PRRG3: variants seen among roughly 807,000 people sequenced by gnomAD.
PRRG3 encodes transmembrane gamma-carboxyglutamic acid protein 3.
A neutral mutation model predicts 15.8 loss-of-function variants in PRRG3; 21 were observed. The ratio of observed to expected loss-of-function variants is 1.33; its 90% CI spans 0.94 to 1.92. PRRG3 has a LOEUF of 1.92. Ranked by LOEUF, PRRG3 falls within the 40% of genes most tolerant of loss-of-function variation. The pLI is 0.00. For missense variants in PRRG3, 251 were observed against 200.2 expected, an observed-to-expected ratio of 1.25 and a Z score of -1.53; for synonymous variants, 125 against 84.1, an observed-to-expected ratio of 1.49 and a Z score of -2.66.
Position 151,700,508 on chromosome X carries a change from G to A in PRRG3, c.171G>A (p.Met57Ile). The change falls in exon 4 of 4, where the codon ATG becomes ATA. Residue 57 changes from methionine to isoleucine, a missense_variant and splice_region_variant. Physicochemically the swap from Met to Ile is conservative, Grantham distance 10 (BLOSUM62 1). Coordinates refer to ENST00000674457, the MANE Select transcript of PRRG3 (RefSeq NM_001372163.1). ...KEVFENKEKT[M>I]EFWKGYPNAV... ...AAGTACCACTTTTTCTTTTGCAGAT[G>A]GAGTTCTGGAAAGGGTACCCAAATG... 1.7e-6 allele frequency: 2 copies of A among 1,177,358 alleles called. No homozygotes were observed. Among genetic ancestry groups the A allele is most frequent in the Non-Finnish European group, 2.3e-6 (2 of 875,916 alleles).
At chrX:151,694,921 C>T (rs1334305253), upstream of PRRG3, among the ~76,000 whole-genome samples, 1 of 110,928 alleles carries the variant, frequency 9.0e-6, no homozygotes, top group African/African-American at 3.2e-5. Flanking sequence ...CCAGGCCCGC[C>T]AGTCAGGCCC....
chrX:151,696,590 T>A (rs996572927), intron 1 of PRRG3, among the ~76,000 whole-genome samples: 3 of 111,516 alleles, frequency 2.7e-5, no homozygotes, highest in Non-Finnish European at 5.7e-5. Flanking sequence ...TCCATTTTTT[T>A]AAAAAACCAC....
At position 151,701,234 on chromosome X, in the gene PRRG3, C is replaced by T. The variant is rs1251470470; in HGVS notation, c.*201C>T. The T allele has an allele frequency of 3.0e-5, 10 of 334,766 alleles. No homozygotes were observed. The East Asian group carries it at 3.7e-4, about 12-fold the overall frequency. The allele number at this position is 334,766 out of a possible 1,213,427, so 27.6% of individuals were successfully genotyped here. On this transcript the variant is annotated 3_prime_UTR_variant, in exon 4 of 4. Coordinates refer to ENST00000674457, the MANE Select transcript of PRRG3 (RefSeq NM_001372163.1). Reference sequence around the variant, plus strand: ...GGTAGGGACCACGCATGAGTCGAAGCCCCCGGGAAGAGCCAAAGGCCAAAG... The same window carrying T: ...GGTAGGGACCACGCATGAGTCGAAGTCCCCGGGAAGAGCCAAAGGCCAAAG...
intron 3 of PRRG3, 121 bp downstream of exon 3, chrX:151,700,277 C>G (rs191989466): frequency 9.3e-6 from 11 of 1,180,471 alleles, no homozygotes; most frequent in Non-Finnish European, 1.1e-5. Context: ...GGCATAGCCA[C>G]TAGGGCCATC....
rs1375475775 is a variant in PRRG3, at chrX:151,701,606, C to T, written c.*573C>T. On this transcript the variant is annotated 3_prime_UTR_variant, in exon 4 of 4. Coordinates refer to ENST00000674457, the MANE Select transcript of PRRG3 (RefSeq NM_001372163.1). ...CACAATAGAACAAAACTCTAGCACC[C>T]GGGCCGTTCATAGGAGGCCAAGGGA... 3.6e-5 allele frequency: 4 copies of T among 112,577 alleles called. No homozygotes were observed. The highest frequency in any genetic ancestry group is 7.5e-5 in the Non-Finnish European group (4 of 53,281). 9.3% of individuals were successfully genotyped at this position (112,577 alleles called of 1,213,427 possible).
chrX:151,695,738 G>A (rs922825617), intron 1 of PRRG3, among the ~76,000 whole-genome samples, 194 bp downstream of exon 1: 6 of 111,692 alleles, frequency 5.4e-5, no homozygotes, highest in Non-Finnish European at 9.4e-5. Flanking sequence ...GAAGGTGGGC[G>A]AGGACAGGCA....
At position 151,699,983 on chromosome X, in the gene PRRG3, G is replaced by A. The variant is rs761295621; in HGVS notation, c.8-13G>A. On this transcript the variant is annotated splice_polypyrimidine_tract_variant and intron_variant, in intron 2 of 3. Transcript: ENST00000674457. ...TCTCCCCATTCCAGGCCTCAGTAGG[G>A]CTCTCTCCTCAGTGTTTCTGGAGGC... The A allele has an allele frequency of 2.5e-6, 3 of 1,195,379 alleles. No homozygotes were observed. The highest frequency in any genetic ancestry group is 3.7e-5 in the South Asian group (2 of 54,121).
chrX:151,703,925 TG>T lies in PRRG3; in HGVS notation c.*2893del, dbSNP rs1391613658. ...TTTTTTTTTTTTTTGTGTGTGTGTGTGTGTGTGTGTGTGTGTGTGTGTGTGT... is the reference window on the plus strand; with the variant it reads ...TTTTTTTTTTTTTTGTGTGTGTGTGTTGTGTGTGTGTGTGTGTGTGTGTGT... On this transcript the variant is annotated 3_prime_UTR_variant, in exon 4 of 4. Coordinates refer to ENST00000674457, the MANE Select transcript of PRRG3 (RefSeq NM_001372163.1). 2,118 of 76,161 alleles carry T rather than the reference TG, an allele frequency of 0.028. 154 individuals are homozygous for T. The highest frequency in any genetic ancestry group is 0.1 in the African/African-American group (1,977 of 18,951). 6.3% of individuals were successfully genotyped at this position (76,161 alleles called of 1,213,427 possible). A position where few individuals can be genotyped will look rare whatever the true frequency, so the allele number is the denominator to read the frequency against.
rs202124669 is a variant in PRRG3 at position 151,704,694 on chromosome X, C to G, written c.*3661C>G. 9.8e-5 allele frequency: 11 copies of G among 111,915 alleles called. No homozygotes were observed. The highest frequency in any genetic ancestry group is 3.6e-4 in the African/African-American group (11 of 30,624). The allele number at this position is 111,915 out of a possible 1,213,427, so 9.2% of individuals were successfully genotyped here. A position where few individuals can be genotyped will look rare whatever the true frequency, so the allele number is the denominator to read the frequency against. ...GATGGATATCTTGGCAGCAGAGCTGCTGGTCTAGGTGGCTTTTCAGCTTGA... is the reference window on the plus strand; with the variant it reads ...GATGGATATCTTGGCAGCAGAGCTGGTGGTCTAGGTGGCTTTTCAGCTTGA... On this transcript the variant is annotated 3_prime_UTR_variant, in exon 4 of 4. Coordinates refer to ENST00000674457, the MANE Select transcript of PRRG3 (RefSeq NM_001372163.1).
In PRRG3 at chrX:151,703,862, T is replaced by G. The variant is rs2014928955; in HGVS notation, c.*2829T>G. The G allele has an allele frequency of 3.3e-4, 1 of 3,058 alleles. No homozygotes were observed. Among genetic ancestry groups the G allele is most frequent in the Non-Finnish European group, 1.2e-3 (1 of 866 alleles). The allele number at this position is 3,058 out of a possible 1,213,427, so 0.3% of individuals were successfully genotyped here. A position where few individuals can be genotyped will look rare whatever the true frequency, so the allele number is the denominator to read the frequency against. On this transcript the variant is annotated 3_prime_UTR_variant, in exon 4 of 4. Transcript: ENST00000674457. ...TCTGAGTACTCCTGGGCATGGTTTT[T>G]TTTTTTTTTTTTTTTTTTTTTTTTT...
intron 1 of PRRG3, among the ~76,000 whole-genome samples, chrX:151,696,264 C>T (rs961694068): frequency 2.7e-5 from 3 of 111,287 alleles, no homozygotes; most frequent in African/African-American, 9.8e-5. Context: ...TAGTAACTGT[C>T]TACTGATGGT....
At chrX:151,698,930 C>G in intron 2 of PRRG3, 109 bp downstream of exon 2, 3 of 724,440 alleles carry the variant, frequency 4.1e-6, no homozygotes, top group Non-Finnish European at 6.2e-6. Context: ...CCAAGTGGGC[C>G]TGTAGCCATT....
rs377405021 is a variant in PRRG3, at chrX:151,700,853, G to C, written c.516G>C (p.Glu172Asp). The change falls in exon 4 of 4, where the codon GAG becomes GAC. Residue 172 changes from glutamate (E) to aspartate (D), a missense_variant. Coordinates refer to ENST00000674457, the MANE Select transcript of PRRG3 (RefSeq NM_001372163.1). ...GGGGCAGGACCACAGTCCGGCTAGA[G>C]AGCACCCTCTACCTCCCTGAGCTCT... ...SRGGRTTVRL[E>D]STLYLPELSL... The C allele has an allele frequency of 1.7e-6, 2 of 1,202,487 alleles. No individual in the cohort carries two copies. The highest frequency in any genetic ancestry group is 3.6e-5 in the African/African-American group (2 of 56,273).
rs10521893 is a variant in PRRG3 at position 151,704,416 on chromosome X, G to A, written c.*3383G>A. 0.3 allele frequency: 33,295 copies of A among 110,748 alleles called. 4,045 individuals are homozygous for A. Among genetic ancestry groups the A allele is most frequent in the South Asian group, 0.63 (1,598 of 2,539 alleles). 9.1% of individuals were successfully genotyped at this position (110,748 alleles called of 1,213,427 possible). A position where few individuals can be genotyped will look rare whatever the true frequency, so the allele number is the denominator to read the frequency against. ...ATTCAGGACAGGAAAGTGTCTTTTT[G>A]TCAAGTAGTCAGAGCCGGATGCTTC... On this transcript the variant is annotated 3_prime_UTR_variant, in exon 4 of 4. Coordinates refer to ENST00000674457, the MANE Select transcript of PRRG3 (RefSeq NM_001372163.1).
chrX:151,697,094 T>TCCTTCCTTCCTTCCTTCCTTCCTTTCTC (rs1214771779), intron 1 of PRRG3, among the ~76,000 whole-genome samples: 1 of 75,836 alleles, frequency 1.3e-5, no homozygotes, highest in Non-Finnish European at 2.4e-5. Context: ...CTTCCTTCCT[T>TCCTTCCTTCCTTCCTTCCTTCCTTTCTC]CCTCCCTCCC....
rs2014891459 is a variant in PRRG3, at chrX:151,701,796, A to G, written c.*763A>G. 1.8e-5 allele frequency: 2 copies of G among 111,976 alleles called. No individual in the cohort carries two copies. The highest frequency in any genetic ancestry group is 1.9e-4 in the Admixed American group (2 of 10,646). The allele number at this position is 111,976 out of a possible 1,213,427, so 9.2% of individuals were successfully genotyped here. On this transcript the variant is annotated 3_prime_UTR_variant, in exon 4 of 4. Coordinates refer to ENST00000674457, the MANE Select transcript of PRRG3 (RefSeq NM_001372163.1). Reference sequence around the variant, plus strand: ...ACGTGGACTCTGCCATTCAGTTTCTAGTGTGCTTGTCTCTCCAGACATGTG... The same window carrying G: ...ACGTGGACTCTGCCATTCAGTTTCTGGTGTGCTTGTCTCTCCAGACATGTG...
At chrX:151,696,836 G>T (rs1400297837) in intron 1 of PRRG3, among the ~76,000 whole-genome samples, 1 of 111,598 alleles carries the variant, frequency 9.0e-6, no homozygotes, top group Admixed American at 9.5e-5. Context: ...GTCTCACAAG[G>T]CAGGCCATCT....
chrX:151,698,693 AGT>A, intron 1 of PRRG3, 89 bp from the exon 2 acceptor site: 1 of 683,384 alleles, frequency 1.5e-6, no homozygotes, highest in Admixed American at 2.6e-5. Context: ...TGACCACGCC[AGT>A]GGGAGGGGGG....
Position 151,702,377 on chromosome X carries a change from A to G in PRRG3, c.*1344A>G, listed in dbSNP as rs1002965100. 2 of 111,983 alleles carry G rather than the reference A, an allele frequency of 1.8e-5. No homozygotes were observed. Among genetic ancestry groups the G allele is most frequent in the Non-Finnish European group, 3.8e-5 (2 of 53,186 alleles). 9.2% of individuals were successfully genotyped at this position (111,983 alleles called of 1,213,427 possible). On this transcript the variant is annotated 3_prime_UTR_variant, in exon 4 of 4. Transcript: ENST00000674457. ...CCTTCAGGCCACAGAGGACTTCTGG[A>G]GGCTGCTCTAGCCCTGAGGACTTGC...
Sources: allele counts gnomAD v4.1 joint callset (sites outside exome capture counted in the v4.1 genomes callset), GRCh38; gene constraint gnomAD v4.1.1; transcripts MANE v1.5; gene names NCBI Gene and HGNC (gene_info 2026-07-23, HGNC 2026-07-21).